GPHN: variants seen among roughly 807,000 people sequenced by gnomAD.
The protein encoded by GPHN is gephyrin.
Under a neutral mutation model 95.5 loss-of-function variants are expected in GPHN, and 17 were observed. The ratio of observed to expected loss-of-function variants is 0.18; its 90% CI spans 0.12 to 0.27. The LOEUF is 0.27. Among genes scored for constraint, GPHN ranks in the 10% least tolerant of loss-of-function variants. The probability of loss-of-function intolerance (pLI) is 1.00; values close to 1 mark genes in which losing one functional copy is unlikely to be tolerated. For synonymous variants in GPHN, 320 were observed against 322.5 expected (o/e 0.99, Z 0.08); for missense variants, 660 against 978.1 (o/e 0.67, Z 4.34).
intron 3 of GPHN, among the ~76,000 whole-genome samples, chr14:66,790,378 T>C (rs369052109): frequency 2.0e-5 from 3 of 152,216 alleles, no homozygotes; most frequent in Non-Finnish European, 4.4e-5. Context: ...AGGGCCACTA[T>C]TGGGAAAAGA....
At chr14:66,689,720 A>G (rs1047806628) in intron 2 of GPHN, among the ~76,000 whole-genome samples, 9 of 152,084 alleles carry the variant, frequency 5.9e-5, no homozygotes, top group Admixed American at 1.3e-4. Flanking sequence ...TTAATTTTCA[A>G]TTGGTTTGTT....
At chr14:67,553,682 T>G in the GPHN span, among the ~76,000 whole-genome samples, 1 of 152,240 alleles carries the variant, frequency 6.6e-6, no homozygotes, top group Admixed American at 6.5e-5. Context: ...GAATTCCTTT[T>G]GCACTGGGCA....
rs113198827 is a variant in GPHN, at chr14:66,868,128, C to T, written c.295-11811C>T. On this transcript the variant is annotated intron_variant, in intron 4 of 22. Transcript: ENST00000478722. The stretch of plus-strand genomic sequence containing the variant: ...TAACAAAGTTATTATTAATAGTAGT[C>T]ATTAGCTGGTATTTCAAAGATAGTC... Among the ~76,000 whole-genome samples the T allele has an allele frequency of 3.1e-3, 471 of 152,206 alleles. 11 individuals are homozygous for T. The highest frequency in any genetic ancestry group is 0.011 in the African/African-American group (446 of 41,534).
At chr14:67,087,383 T>A (rs1030212407) in intron 11 of GPHN, among the ~76,000 whole-genome samples, 10 of 152,164 alleles carry the variant, frequency 6.6e-5, no homozygotes, top group Admixed American at 1.3e-4. Flanking sequence ...CAAGCACCAC[T>A]GGGCCCACTG....
chr14:67,648,108 G>T, the GPHN span: 4 of 1,613,858 alleles, frequency 2.5e-6, no homozygotes, highest in Non-Finnish European at 3.4e-6. Context: ...ACTGGCTCCA[G>T]CCACAGGAAC....
chr14:67,733,798 G>A, the GPHN span: 1 of 1,613,534 alleles, frequency 6.2e-7, no homozygotes, highest in Non-Finnish European at 8.5e-7. Context: ...CAAAACAGCT[G>A]AGCGCCTATG....
chr14:67,704,075 A>G, the GPHN span, among the ~76,000 whole-genome samples: 9 of 152,090 alleles, frequency 5.9e-5, no homozygotes, highest in African/African-American at 2.2e-4. Context: ...CAGTAGTTCT[A>G]TTTTCATTCT....
At chr14:67,487,948 T>A in the GPHN span, among the ~76,000 whole-genome samples, 1 of 152,228 alleles carries the variant, frequency 6.6e-6, no homozygotes, top group South Asian at 2.1e-4. Flanking sequence ...ATGTTTTTAC[T>A]ACTATCCCTA....
the GPHN span, among the ~76,000 whole-genome samples, chr14:67,414,370 G>A: frequency 6.6e-6 from 1 of 152,204 alleles, no homozygotes; most frequent in Non-Finnish European, 1.5e-5. Context: ...TGTGGTGGCT[G>A]AGCCACCAGC....
chr14:67,469,771 G>C, the GPHN span, among the ~76,000 whole-genome samples: 1 of 152,178 alleles, frequency 6.6e-6, no homozygotes, highest in Non-Finnish European at 1.5e-5. Context: ...CCAGGGAGGA[G>C]TGCAGAGCTG....
intron 4 of GPHN, among the ~76,000 whole-genome samples, chr14:66,865,590 G>T (rs1311782299): frequency 6.6e-6 from 1 of 152,136 alleles, no homozygotes; most frequent in Non-Finnish European, 1.5e-5. Context: ...AAGCAAACCT[G>T]ATTAGGTACA....
intron 1 of GPHN, among the ~76,000 whole-genome samples, chr14:66,562,542 G>T (rs908708749): frequency 6.6e-6 from 1 of 152,102 alleles, no homozygotes; most frequent in African/African-American, 2.4e-5. Context: ...TTATACACAG[G>T]AGAGTACTCA....
intron 1 of GPHN, among the ~76,000 whole-genome samples, chr14:66,622,183 A>ACATGAAAGCTGCCAAGGCCTGGGG (rs1490278325): frequency 2.6e-4 from 40 of 152,098 alleles, no homozygotes; most frequent in Admixed American, 2.4e-3. Flanking sequence ...GCTCAACACC[A>ACATGAAAGCTGCCAAGGCCTGGGG]CATGAAAGCT....
chr14:66,771,471 T>A (rs1394429162), intron 2 of GPHN, among the ~76,000 whole-genome samples: 1 of 152,194 alleles, frequency 6.6e-6, no homozygotes, highest in Non-Finnish European at 1.5e-5. Flanking sequence ...GTTACCGCAC[T>A]GGCACAAGGG....
At chr14:67,729,655 G>A in the GPHN span, 164 of 599,680 alleles carry the variant, frequency 2.7e-4, 1 homozygote, top group African/African-American at 2.4e-3. Flanking sequence ...GAAGACTGTC[G>A]CTGTTGGTTA....
intron 1 of GPHN, among the ~76,000 whole-genome samples, chr14:66,640,719 G>T (rs1231458793): frequency 6.6e-6 from 1 of 152,136 alleles, no homozygotes; most frequent in Non-Finnish European, 1.5e-5. Flanking sequence ...TATGTGTTGA[G>T]GCTTTCCTTC....
In GPHN at chr14:66,924,213, G is replaced by A. The variant is rs1402811799; in HGVS notation, c.749G>A (p.Ser250Asn). Residue 250 changes from serine to asparagine, a missense_variant, in exon 8 of 23, where the codon AGT becomes AAT. Physicochemically the swap from Ser to Asn is conservative, Grantham distance 46. This residue lies in a region of GPHN where 190 missense variants were observed against 224.7 expected (regional missense o/e 0.85). Transcript: ENST00000478722. The stretch of plus-strand genomic sequence containing the variant: ...CATTAGAAGCATCCATTCTACACCA[G>A]TCCTGCTGTTGTCATGGCACACGGT... ...IAAKKHPFYT[S>N]PAVVMAHGEQ... 2 of 1,604,916 alleles carry A rather than the reference G, an allele frequency of 1.2e-6. No homozygotes were observed. The highest frequency in any genetic ancestry group is 1.7e-6 in the Non-Finnish European group (2 of 1,171,782).
At chr14:67,267,176 T>G in the GPHN span, among the ~76,000 whole-genome samples, 1 of 152,212 alleles carries the variant, frequency 6.6e-6, no homozygotes, top group Non-Finnish European at 1.5e-5. Flanking sequence ...CAACAAGATG[T>G]CATTTTAAGT....
intron 4 of GPHN, among the ~76,000 whole-genome samples, chr14:66,842,052 C>A (rs1321884414): frequency 2.0e-5 from 3 of 148,622 alleles, no homozygotes; most frequent in Non-Finnish European, 4.5e-5. Context: ...GACTCCTTCC[C>A]CCCGCCCCCG....
Sources: gnomAD v4.1 joint callset for allele counts (sites outside exome capture counted in the v4.1 genomes callset) on GRCh38, gnomAD v4.1.1 for gene constraint, gnomAD v4.1.1 regional missense constraint, MANE v1.5 for transcripts, NCBI Gene and HGNC (gene_info 2026-07-23, HGNC 2026-07-21) for gene names.